SLC4A10: variants seen among roughly 807,000 people sequenced by gnomAD.
SLC4A10 encodes sodium-driven chloride bicarbonate exchanger.
SLC4A10 carries 42 observed loss-of-function variants against 137.7 expected under a neutral mutation model. That is an observed-to-expected ratio of 0.30 (90% confidence interval 0.24 to 0.39). The LOEUF is 0.39. SLC4A10 is among the 10% of genes least tolerant of loss of function. The pLI is 1.00. For missense variants in SLC4A10, 925 were observed against 1,355.0 expected (o/e 0.68, Z 4.98); for synonymous variants, 474 against 464.1 (o/e 1.02, Z -0.27).
chr2:161,630,854 A>C (rs755958070), intron 1 of SLC4A10, among the ~76,000 whole-genome samples: 6 of 151,860 alleles, frequency 4.0e-5, no homozygotes, highest in East Asian at 1.9e-4. Context: ...AAATTATCCA[A>C]GTTCACATAG....
chr2:161,741,855 C>T (rs915814164), intron 1 of SLC4A10, among the ~76,000 whole-genome samples: 2 of 152,258 alleles, frequency 1.3e-5, no homozygotes, highest in Admixed American at 6.5e-5. Context: ...TATTCTAAAA[C>T]GCACAACAAA....
intron 21 of SLC4A10, among the ~76,000 whole-genome samples, chr2:161,961,753 A>G (rs1696765416): frequency 1.3e-5 from 2 of 152,184 alleles, no homozygotes; most frequent in African/African-American, 4.8e-5. Context: ...AGAATTGAAC[A>G]AGAACGTCAA....
intron 2 of SLC4A10, among the ~76,000 whole-genome samples, chr2:161,794,435 C>A (rs2054540468): frequency 6.6e-6 from 1 of 151,988 alleles, no homozygotes; most frequent in Non-Finnish European, 1.5e-5. Context: ...CATTAGGGAG[C>A]TTTGGGATGT....
At position 161,891,615 on chromosome 2, in the gene SLC4A10, G is replaced by A. The variant is rs933722851; in HGVS notation, c.1195-3064G>A. The stretch of plus-strand genomic sequence containing the variant: ...CTATCAATACTTCTGTATGCTTCAC[G>A]AAGTTCTTGTGTTGTGTTTTTCAGC... On this transcript the variant is annotated intron_variant, in intron 10 of 26. Transcript: ENST00000446997. Among the ~76,000 whole-genome samples the A allele has an allele frequency of 4.6e-5, 7 of 151,782 alleles. No individual in the cohort carries two copies. In the South Asian group the frequency reaches 1.5e-3, roughly 32 times the overall value.
chr2:161,915,363 G>A (rs1163076777), intron 15 of SLC4A10, among the ~76,000 whole-genome samples: 4 of 152,076 alleles, frequency 2.6e-5, no homozygotes. Flanking sequence ...TTGGGCACTG[G>A]AAAAGAATTC....
intron 4 of SLC4A10, among the ~76,000 whole-genome samples, chr2:161,843,307 A>G (rs1443572787): frequency 2.0e-5 from 3 of 152,176 alleles, no homozygotes; most frequent in Non-Finnish European, 4.4e-5. Context: ...TTATGCTCTA[A>G]TGGATTAACT....
At chr2:161,813,590 G>A (rs751134866) in intron 3 of SLC4A10, among the ~76,000 whole-genome samples, 1 of 152,138 alleles carries the variant, frequency 6.6e-6, no homozygotes, top group Non-Finnish European at 1.5e-5. Flanking sequence ...TCTCATTCAA[G>A]TTCCATCTGC....
chr2:161,832,342 C>T (rs1395901618), intron 3 of SLC4A10, among the ~76,000 whole-genome samples: 14 of 152,276 alleles, frequency 9.2e-5, no homozygotes, highest in Admixed American at 7.8e-4. Flanking sequence ...AATCCTGATA[C>T]CCTTCACAAT....
intron 2 of SLC4A10, among the ~76,000 whole-genome samples, chr2:161,779,944 A>G (rs2052819201): frequency 6.6e-6 from 1 of 152,092 alleles, no homozygotes; most frequent in African/African-American, 2.4e-5. Context: ...CTTTTGCACT[A>G]CAATGGTAGA....
chr2:161,952,628 G>A (rs1462896681), intron 19 of SLC4A10, among the ~76,000 whole-genome samples: 1 of 152,126 alleles, frequency 6.6e-6, no homozygotes, highest in Admixed American at 6.6e-5. Flanking sequence ...CATAAACTCT[G>A]CTATATGGCC....
chr2:161,740,824 GTA>G (rs1423501431), intron 1 of SLC4A10, among the ~76,000 whole-genome samples: 2 of 152,062 alleles, frequency 1.3e-5, no homozygotes, highest in African/African-American at 4.8e-5. Context: ...TACAATTTCT[GTA>G]TATGTTTTAG....
intron 3 of SLC4A10, among the ~76,000 whole-genome samples, chr2:161,819,436 G>C (rs1421435245): frequency 2.0e-5 from 3 of 151,924 alleles, no homozygotes; most frequent in Non-Finnish European, 4.4e-5. Flanking sequence ...TGAATGTGAT[G>C]ATGTTTAATT....
chr2:161,839,841 G>A lies in SLC4A10; in HGVS notation c.330G>A (p.Glu110=), dbSNP rs1159523625. The A allele has an allele frequency of 4.3e-6, 7 of 1,613,782 alleles. No individual in the cohort carries two copies. Among genetic ancestry groups the A allele is most frequent in the East Asian group, 4.5e-5 (2 of 44,894 alleles). The change falls in exon 4 of 27, where the codon GAG becomes GAA. Residue 110 remains glutamate, a synonymous_variant. Coordinates refer to ENST00000446997, the MANE Select transcript of SLC4A10 (RefSeq NM_001178015.2). ...QFILGTEDDD[E]EHIPHDLFTE... Reference sequence around the variant, plus strand: ...TTCTTGGAACCGAGGATGATGACGAGGAACACATTCCTCATGACCTTTTCA... The same window carrying A: ...TTCTTGGAACCGAGGATGATGACGAAGAACACATTCCTCATGACCTTTTCA...
intron 15 of SLC4A10, among the ~76,000 whole-genome samples, chr2:161,916,250 TCCCC>T (rs1687090198): frequency 6.6e-6 from 1 of 152,176 alleles, no homozygotes; most frequent in Non-Finnish European, 1.5e-5. Flanking sequence ...TGCAACTCTT[TCCCC>T]CTCAGTAAAT....
At chr2:161,923,251 TATAAAAAGTG>T (rs1192464834) in intron 15 of SLC4A10, among the ~76,000 whole-genome samples, 3 of 152,224 alleles carry the variant, frequency 2.0e-5, no homozygotes, top group Non-Finnish European at 4.4e-5. Context: ...AGATGTATTT[TATAAAAAGTG>T]TATTTTAAGC....
chr2:161,924,985 G>A (rs1302998066), intron 15 of SLC4A10, among the ~76,000 whole-genome samples: 1 of 152,100 alleles, frequency 6.6e-6, no homozygotes, highest in Non-Finnish European at 1.5e-5. Context: ...CAGAGCTACA[G>A]GTGTTTTGGA....
intron 2 of SLC4A10, among the ~76,000 whole-genome samples, chr2:161,785,058 C>T (rs988124269): frequency 3.3e-5 from 5 of 151,156 alleles, no homozygotes; most frequent in Admixed American, 2.0e-4. Flanking sequence ...GGAGGTATTA[C>T]CACTGATATC....
intron 6 of SLC4A10, among the ~76,000 whole-genome samples, chr2:161,871,365 G>A (rs2061108754): frequency 6.7e-6 from 1 of 149,378 alleles, no homozygotes; most frequent in Non-Finnish European, 1.5e-5. Context: ...ATATGAGCAA[G>A]GCTTCAGAGT....
intron 1 of SLC4A10, among the ~76,000 whole-genome samples, chr2:161,637,095 G>A (rs373230607): frequency 3.3e-5 from 4 of 122,710 alleles, no homozygotes; most frequent in East Asian, 2.7e-4. Context: ...ATACATATAC[G>A]TATATACGTA....
Sources: gnomAD v4.1 joint callset for allele counts (sites outside exome capture counted in the v4.1 genomes callset) on GRCh38, gnomAD v4.1.1 for gene constraint, MANE v1.5 for transcripts, NCBI Gene and HGNC (gene_info 2026-07-23, HGNC 2026-07-21) for gene names.